EXOG: variants seen among roughly 807,000 people sequenced by gnomAD.
EXOG encodes nuclease EXOG, mitochondrial.
EXOG carries 27 observed loss-of-function variants against 25.8 expected under a neutral mutation model. The observed-to-expected ratio is 1.05, with a 90% CI of 0.77 to 1.45. The LOEUF is 1.45. EXOG is among the 40% of genes most tolerant of loss of function. The pLI is 0.00. For synonymous variants in EXOG, 133 were observed against 167.0 expected (o/e 0.80, Z 1.57); for missense variants, 458 against 450.5 (o/e 1.02, Z -0.15).
At chr3:38,508,738 T>G (rs1253062498) in intron 5 of EXOG, among the ~76,000 whole-genome samples, 1 of 131,352 alleles carries the variant, frequency 7.6e-6, no homozygotes, top group Non-Finnish European at 1.6e-5. Flanking sequence ...AAACCAAAAC[T>G]TTTAGAGTAT....
chr3:38,499,309 T>C (rs1347272341), intron 2 of EXOG, among the ~76,000 whole-genome samples: 1 of 152,252 alleles, frequency 6.6e-6, no homozygotes, highest in Non-Finnish European at 1.5e-5. Flanking sequence ...TGTGCCATTC[T>C]AGAGTGCACA....
intron 5 of EXOG, among the ~76,000 whole-genome samples, chr3:38,511,914 C>A (rs1291969868): frequency 2.0e-5 from 3 of 152,170 alleles, no homozygotes; most frequent in African/African-American, 7.2e-5. Flanking sequence ...TACTATTACT[C>A]CTTTGGAGGC....
chr3:38,510,220 G>A (rs1021296640), intron 5 of EXOG, among the ~76,000 whole-genome samples: 1 of 152,110 alleles, frequency 6.6e-6, no homozygotes, highest in African/African-American at 2.4e-5. Context: ...AAGTGTTAGT[G>A]TCATAAAAGA....
intron 2 of EXOG, 57 bp from the exon 3 acceptor site, chr3:38,501,298 A>C (rs2060036754): frequency 5.9e-6 from 9 of 1,526,396 alleles, no homozygotes; most frequent in Non-Finnish European, 8.2e-6. Flanking sequence ...TTGCTTAGAG[A>C]ATCTTGAGGG....
At chr3:38,518,465 A>G (rs542930611) in intron 5 of EXOG, among the ~76,000 whole-genome samples, 2 of 152,346 alleles carry the variant, frequency 1.3e-5, no homozygotes, top group African/African-American at 4.8e-5. Flanking sequence ...TCTCTCAAGC[A>G]ACGAATAATT....
intron 5 of EXOG, among the ~76,000 whole-genome samples, chr3:38,513,013 G>A (rs979365293): frequency 6.6e-6 from 1 of 152,116 alleles, no homozygotes; most frequent in African/African-American, 2.4e-5. Context: ...TGTTGCCCCA[G>A]CTGGCCTTAA....
At chr3:38,523,316 C>T in intron 5 of EXOG, 1 of 1,276,848 alleles carries the variant, frequency 7.8e-7, no homozygotes, top group African/African-American at 1.5e-5. Flanking sequence ...TGTCCTTTGT[C>T]CTACAAACAG....
chr3:38,503,850 G>C (rs1394110639), intron 4 of EXOG, among the ~76,000 whole-genome samples, 159 bp downstream of exon 4: 1 of 152,180 alleles, frequency 6.6e-6, no homozygotes, highest in Non-Finnish European at 1.5e-5. Context: ...TGTGTTTTGG[G>C]AGTACAGCCT....
intron 2 of EXOG, chr3:38,499,805 T>G: frequency 2.6e-6 from 1 of 384,886 alleles, no homozygotes; most frequent in East Asian, 7.4e-5. Context: ...TTAAGAAAAA[T>G]GAAGAGCCAG....
intron 5 of EXOG, among the ~76,000 whole-genome samples, chr3:38,516,199 C>CAT (rs148245042): frequency 5.5e-4 from 83 of 150,576 alleles, no homozygotes; most frequent in South Asian, 3.8e-3. Flanking sequence ...TATGGATATC[C>CAT]ATATATATAT....
intron 5 of EXOG, among the ~76,000 whole-genome samples, chr3:38,522,959 A>G (rs1363988097): frequency 6.6e-6 from 1 of 152,236 alleles, no homozygotes; most frequent in East Asian, 1.9e-4. Context: ...TGATATGACA[A>G]CATATTTAGA....
chr3:38,497,918 G>A (rs2059942240), intron 2 of EXOG, 140 bp downstream of exon 2: 1 of 1,114,522 alleles, frequency 9.0e-7, no homozygotes, highest in Non-Finnish European at 1.2e-6. Context: ...TAACTTACTG[G>A]TTAAATCAAC....
intron 1 of EXOG, chr3:38,496,876 G>A (rs1302655241): frequency 7.9e-7 from 1 of 1,263,632 alleles, no homozygotes; most frequent in Non-Finnish European, 1.0e-6. Context: ...GACTATGTCT[G>A]TTTTGGTCTC....
At chr3:38,520,364 G>A (rs963373512) in intron 5 of EXOG, among the ~76,000 whole-genome samples, 1 of 152,198 alleles carries the variant, frequency 6.6e-6, no homozygotes, top group Non-Finnish European at 1.5e-5. Context: ...CTACAGTCTT[G>A]AGTAGAGTTC....
intron 5 of EXOG, among the ~76,000 whole-genome samples, chr3:38,523,571 T>C (rs1012142333): frequency 5.9e-5 from 9 of 152,294 alleles, no homozygotes; most frequent in African/African-American, 1.9e-4. Context: ...TTTCACCATG[T>C]TGGCCAGGCT....
intron 5 of EXOG, among the ~76,000 whole-genome samples, chr3:38,522,905 CT>C (rs1282765285): frequency 6.6e-6 from 1 of 152,250 alleles, no homozygotes; most frequent in African/African-American, 2.4e-5. Context: ...AGGCCTGACC[CT>C]GGCTCTGGCT....
At chr3:38,499,723 G>C (rs1159809291) in intron 2 of EXOG, 1 of 454,210 alleles carries the variant, frequency 2.2e-6, no homozygotes, top group African/African-American at 2.0e-5. Flanking sequence ...TCCTGCCTCA[G>C]CCTCCTGAGT....
intron 5 of EXOG, among the ~76,000 whole-genome samples, chr3:38,522,171 T>C (rs374891649): frequency 2.0e-5 from 3 of 152,382 alleles, no homozygotes; most frequent in South Asian, 2.1e-4. Flanking sequence ...CCTGAAGCTC[T>C]GCAATTGGTC....
intron 2 of EXOG, chr3:38,498,863 A>C (rs1486407613): frequency 2.2e-6 from 1 of 455,272 alleles, no homozygotes; most frequent in African/African-American, 2.0e-5. Context: ...ATGTGTCCTT[A>C]TGTCTTGATA....
Sources: allele counts gnomAD v4.1 joint callset (sites outside exome capture counted in the v4.1 genomes callset), GRCh38; gene constraint gnomAD v4.1.1; transcripts MANE v1.5; gene names NCBI Gene and HGNC (gene_info 2026-07-23, HGNC 2026-07-21).